The following PCDHA7 variants were observed in gnomAD, a reference collection of about 807,000 sequenced individuals.
PCDHA7 encodes the protein protocadherin alpha-7.
PCDHA7 carries 37 observed loss-of-function variants against 57.2 expected under a neutral mutation model. That is an observed-to-expected ratio of 0.65 (90% CI 0.50 to 0.85). The LOEUF (loss-of-function observed/expected upper bound fraction) is 0.85, where lower values mean the gene tolerates loss of function less well. Ranked by LOEUF, PCDHA7 falls within the 40% of genes least tolerant of loss-of-function variation. PCDHA7 has a pLI of 0.00. For missense variants in PCDHA7, 1,188 were observed against 1,241.8 expected, an observed-to-expected ratio of 0.96 and a Z score of 0.65; for synonymous variants, 553 against 558.8, an observed-to-expected ratio of 0.99 and a Z score of 0.15.
intron 1 of PCDHA7, chr5:140,927,762 T>A (rs781993567): frequency 1.8e-5 from 29 of 1,613,934 alleles, no homozygotes; most frequent in Non-Finnish European, 2.4e-5. Context: ...ACCCTAAAAG[T>A]GGGGAGGTGC....
rs2150408028 is a variant in PCDHA7, at chr5:140,848,285, C to G, written c.2355+11547C>G. 1.1e-4 allele frequency: 65 copies of G among 617,022 alleles called. 3 individuals carry two copies. The South Asian group carries it at 1.4e-3, about 14-fold the overall frequency. The allele number at this position is 617,022 out of a possible 1,614,324, so 38.2% of individuals were successfully genotyped here. On this transcript the variant is annotated intron_variant, in intron 1 of 3. Transcript: ENST00000525929. The stretch of plus-strand genomic sequence containing the variant: ...TTTATTCATGAAATATGTACTTACA[C>G]TTTGGGCCACGTGATGTCACTCTTT...
At chr5:140,911,365 TG>T (rs1554194694) in intron 1 of PCDHA7, among the ~76,000 whole-genome samples, 1 of 152,218 alleles carries the variant, frequency 6.6e-6, no homozygotes, top group East Asian at 1.9e-4. Flanking sequence ...AGTAGACACC[TG>T]GCAAGGCTGT....
At chr5:140,870,385 G>C (rs548890657) in intron 1 of PCDHA7, 2 of 1,614,240 alleles carry the variant, frequency 1.2e-6, no homozygotes, top group African/African-American at 2.7e-5. Context: ...GACTGCGCGG[G>C]ATGGGGGTTC....
At chr5:140,866,158 A>G (rs560063709) in intron 1 of PCDHA7, 1 of 152,270 alleles carries the variant, frequency 6.6e-6, no homozygotes, top group East Asian at 1.9e-4. Context: ...ATAAGTAAGA[A>G]TCGTTTAACA....
intron 1 of PCDHA7, chr5:140,927,515 G>A (rs782499434): frequency 1.2e-6 from 2 of 1,614,100 alleles, no homozygotes; most frequent in South Asian, 1.1e-5. Flanking sequence ...GCTCGGGACG[G>A]CGGGCTACCT....
chr5:140,859,506 C>A, intron 1 of PCDHA7: 1 of 197,142 alleles, frequency 5.1e-6, no homozygotes, highest in Non-Finnish European at 1.0e-5. Flanking sequence ...ACCTGATACC[C>A]ATGATTTCAT....
At chr5:140,892,563 T>G (rs1554185281) in intron 1 of PCDHA7, among the ~76,000 whole-genome samples, 2 of 152,248 alleles carry the variant, frequency 1.3e-5, no homozygotes, top group Admixed American at 6.5e-5. Context: ...CCTTGGAGAC[T>G]GTCAAAAGTA....
In PCDHA7 at chr5:140,902,128, A is replaced by G. The variant is rs140093707; in HGVS notation, c.2355+65390A>G. 5.8e-3 allele frequency among the ~76,000 whole-genome samples: 872 copies of G among 150,980 alleles called. 10 individuals carry two copies. The highest frequency in any genetic ancestry group is 0.019 in the African/African-American group (793 of 41,220). ...ATTTTTTTAAAACTGAGATTATATCATCTGCAAACAAGGATAATTTGATTT... is the reference window on the plus strand; with the variant it reads ...ATTTTTTTAAAACTGAGATTATATCGTCTGCAAACAAGGATAATTTGATTT... On this transcript the variant is annotated intron_variant, in intron 1 of 3. Coordinates refer to ENST00000525929, the MANE Select transcript of PCDHA7 (RefSeq NM_018910.3).
At chr5:140,927,301 C>A in intron 1 of PCDHA7, 3 of 1,614,204 alleles carry the variant, frequency 1.9e-6, no homozygotes, top group Non-Finnish European at 2.5e-6. Context: ...CCCCGAGTTC[C>A]TGACGCCCGG....
chr5:140,913,756 A>G (rs1184722554), intron 1 of PCDHA7, among the ~76,000 whole-genome samples: 1 of 152,072 alleles, frequency 6.6e-6, no homozygotes, highest in African/African-American at 2.4e-5. Context: ...GTTGTATCTC[A>G]TAGGTTTTGG....
intron 3 of PCDHA7, among the ~76,000 whole-genome samples, chr5:140,983,718 T>C (rs2097062684): frequency 6.6e-6 from 1 of 152,248 alleles, no homozygotes; most frequent in South Asian, 2.1e-4. Context: ...CTAGCACTTA[T>C]ATTCATAACA....
chr5:140,956,009 C>G (rs1479377959), intron 1 of PCDHA7, among the ~76,000 whole-genome samples: 1 of 152,192 alleles, frequency 6.6e-6, no homozygotes, highest in Non-Finnish European at 1.5e-5. Context: ...TATCCTGAGA[C>G]TTTGCTGAAG....
In PCDHA7 at chr5:140,858,166, C is replaced by T. The variant is rs781812057; in HGVS notation, c.2355+21428C>T. 1.9e-6 allele frequency: 3 copies of T among 1,597,908 alleles called. 1 individual carries two copies. The South Asian group carries it at 3.3e-5, about 18-fold the overall frequency. On this transcript the variant is annotated intron_variant, in intron 1 of 3. Transcript: ENST00000525929. ...TGATCATCGCCATCTGCGCGGTGTC[C>T]AGCTTGCTGGTGCTCACGCTGCTGC...
intron 1 of PCDHA7, among the ~76,000 whole-genome samples, chr5:140,894,820 C>A (rs149254580): frequency 3.2e-4 from 49 of 152,072 alleles, no homozygotes; most frequent in African/African-American, 1.2e-3. Flanking sequence ...ATCAGATTTG[C>A]CCATAATCCT....
In PCDHA7 at chr5:140,994,514, G is replaced by A. The variant is rs186617066; in HGVS notation, c.2503+11951G>A. On this transcript the variant is annotated intron_variant, in intron 3 of 3. Transcript: ENST00000525929. Reference sequence around the variant, plus strand: ...ACCCAGGAGTTTGAGAACAGCCTGGGCAACATGGCAAAACCCCATCTCTAC... The same window carrying A: ...ACCCAGGAGTTTGAGAACAGCCTGGACAACATGGCAAAACCCCATCTCTAC... Among the ~76,000 whole-genome samples, 76 of 150,406 alleles carry A rather than the reference G, an allele frequency of 5.1e-4. 1 individual carries two copies. The highest frequency in any genetic ancestry group is 8.8e-5 in the Non-Finnish European group (6 of 67,822).
In PCDHA7 at chr5:140,849,941, T is replaced by G. The variant is rs2150458780; in HGVS notation, c.2355+13203T>G. The G allele has an allele frequency of 0.63, 1,006,911 of 1,597,380 alleles. 351,403 individuals carry two copies. Among genetic ancestry groups the G allele is most frequent in the African/African-American group, 0.85 (63,094 of 74,394 alleles). Reference sequence around the variant, plus strand: ...TCTTCACGGTGTCTGCGCGGGACGCTGACGCGCAGGAGAACGCCCTGGTGT... The same window carrying G: ...TCTTCACGGTGTCTGCGCGGGACGCGGACGCGCAGGAGAACGCCCTGGTGT... On this transcript the variant is annotated intron_variant, in intron 1 of 3. Coordinates refer to ENST00000525929, the MANE Select transcript of PCDHA7 (RefSeq NM_018910.3).
At chr5:140,946,314 T>C (rs1307176539) in intron 1 of PCDHA7, among the ~76,000 whole-genome samples, 2 of 151,808 alleles carry the variant, frequency 1.3e-5, no homozygotes, top group African/African-American at 4.8e-5. Flanking sequence ...ATGGCTATTA[T>C]TGAAAGAGGA....
intron 1 of PCDHA7, among the ~76,000 whole-genome samples, chr5:140,911,436 C>T (rs369054235): frequency 6.1e-4 from 93 of 152,242 alleles, no homozygotes; most frequent in South Asian, 2.9e-3. Context: ...TCCAATTTCC[C>T]GCAATTTCAG....
In PCDHA7 at chr5:140,976,792, T is replaced by C. The variant is rs982135806; in HGVS notation, c.2356-2157T>C. 2.1e-4 allele frequency among the ~76,000 whole-genome samples: 32 copies of C among 152,216 alleles called. 1 individual carries two copies. The highest frequency in any genetic ancestry group is 1.0e-3 in the Admixed American group (16 of 15,274). ...AGACTCTGACTATATAGCTACGCTT[T>C]TATGAATATCTGAAGATATGCATGT... On this transcript the variant is annotated intron_variant, in intron 1 of 3. Coordinates refer to ENST00000525929, the MANE Select transcript of PCDHA7 (RefSeq NM_018910.3).
Sources: allele counts gnomAD v4.1 joint callset (sites outside exome capture counted in the v4.1 genomes callset), GRCh38; gene constraint gnomAD v4.1.1; transcripts MANE v1.5; gene names NCBI Gene and HGNC (gene_info 2026-07-23, HGNC 2026-07-21).